The following BIN1 variants were observed in gnomAD, a reference collection of about 807,000 sequenced individuals.
BIN1 encodes bridging integrator 1.
Under a neutral mutation model 82.0 loss-of-function variants are expected in BIN1, and 53 were observed. That is an observed-to-expected ratio of 0.65 (90% CI 0.52 to 0.81). BIN1 has a LOEUF of 0.81. Among genes scored for constraint, BIN1 ranks in the 40% least tolerant of loss-of-function variants. BIN1 has a pLI of 0.00. For missense variants in BIN1, 642 were observed against 784.4 expected (o/e 0.82, Z 2.17); for synonymous variants, 302 against 328.0 (o/e 0.92, Z 0.86).
chr2:127,091,881 G>A (rs1386297335), intron 1 of BIN1, among the ~76,000 whole-genome samples: 2 of 152,106 alleles, frequency 1.3e-5, no homozygotes. Flanking sequence ...GGGTAACAGA[G>A]CAAGACCCTG....
chr2:127,063,547 CTCAGAGGG>C lies in BIN1; in HGVS notation c.774+16_774+23del, dbSNP rs749676210. 48 of 1,611,968 alleles carry C rather than the reference CTCAGAGGG, an allele frequency of 3.0e-5. No individual in the cohort carries two copies. In the South Asian group the frequency reaches 5.3e-4, roughly 18 times the overall value. The stretch of plus-strand genomic sequence containing the variant: ...CCTCGGCCAGGGTGGGGTGTGGCCC[CTCAGAGGG>C]GTCCCCATGGCCTACCTTGCTCATC... On this transcript the variant is annotated intron_variant, in intron 9 of 18. Transcript: ENST00000316724.
At chr2:127,105,776 T>A (rs1219330148) in intron 1 of BIN1, among the ~76,000 whole-genome samples, 2 of 152,102 alleles carry the variant, frequency 1.3e-5, no homozygotes, top group Non-Finnish European at 2.9e-5. Flanking sequence ...GGCCGGCCTG[T>A]CCCTGCGCCT....
At position 127,057,674 on chromosome 2, in the gene BIN1, GA is replaced by G; in HGVS notation, c.1003-74del. The G allele has an allele frequency of 2.1e-6, 3 of 1,437,028 alleles. No individual in the cohort carries two copies. The highest frequency in any genetic ancestry group is 2.8e-6 in the Non-Finnish European group (3 of 1,090,464). The allele number at this position is 1,437,028 out of a possible 1,614,324, so 89.0% of individuals were successfully genotyped here. ...GCACGGGGTTTGGGGGAGACAGACA[GA>G]GACAAAGCCACGGTTAGTCACACCT... On this transcript the variant is annotated intron_variant, in intron 11 of 18. Coordinates refer to ENST00000316724, the MANE Select transcript of BIN1 (RefSeq NM_139343.3). The surrounding 1 kb of genome is among the most constrained non-coding windows in gnomAD (Gnocchi z 5.0).
At chr2:127,065,318 A>G (rs905105769) in intron 7 of BIN1, among the ~76,000 whole-genome samples, 5 of 152,124 alleles carry the variant, frequency 3.3e-5, no homozygotes, top group Admixed American at 1.3e-4. Flanking sequence ...GGGGTGGGGA[A>G]GAATGTCTAT....
At chr2:127,054,074 C>G (rs974184681) in intron 12 of BIN1, 62 bp from the exon 13 acceptor site, 41 of 1,418,790 alleles carry the variant, frequency 2.9e-5, no homozygotes, top group East Asian at 2.5e-5. Context: ...AGCCCTCACC[C>G]CAGGCAGACA....
rs1197231684 is a variant in BIN1, at chr2:127,063,835, G to GCAGCACGCAGGCTGGGCACCA, written c.698+77_698+97dup. 12,785 of 1,501,596 alleles carry GCAGCACGCAGGCTGGGCACCA rather than the reference G, an allele frequency of 8.5e-3. 96 individuals are homozygous for GCAGCACGCAGGCTGGGCACCA. The highest frequency in any genetic ancestry group is 0.024 in the Admixed American group (1,422 of 59,078). 93.0% of individuals were successfully genotyped at this position (1,501,596 alleles called of 1,614,324 possible). A position where few individuals can be genotyped will look rare whatever the true frequency, so the allele number is the denominator to read the frequency against. On this transcript the variant is annotated intron_variant, in intron 8 of 18. Coordinates refer to ENST00000316724, the MANE Select transcript of BIN1 (RefSeq NM_139343.3). ...CACCGCAGCACGCAGACTGGACACC[G>GCAGCACGCAGGCTGGGCACCA]CAGCACGCAGGCTGGGCACCACAGC...
At chr2:127,065,997 G>T (rs867872088) in intron 7 of BIN1, among the ~76,000 whole-genome samples, 2 of 152,186 alleles carry the variant, frequency 1.3e-5, no homozygotes, top group Non-Finnish European at 2.9e-5. Context: ...TGGGCCCGGG[G>T]TCCCGAGGAC....
Position 127,107,073 on chromosome 2 carries a change from G to T in BIN1, c.-130C>A, listed in dbSNP as rs1024382172. The T allele has an allele frequency of 9.3e-6, 9 of 971,406 alleles. No individual in the cohort carries two copies. Among genetic ancestry groups the T allele is most frequent in the Non-Finnish European group, 1.1e-5 (8 of 727,588 alleles). 60.2% of individuals were successfully genotyped at this position (971,406 alleles called of 1,614,324 possible). A position where few individuals can be genotyped will look rare whatever the true frequency, so the allele number is the denominator to read the frequency against. ...CGCTCCACGCCGCGCACCCGACAGCGGAGCCAACTGACGGAGGCGGAGCGT... is the reference window on the plus strand; with the variant it reads ...CGCTCCACGCCGCGCACCCGACAGCTGAGCCAACTGACGGAGGCGGAGCGT... On this transcript the variant is annotated 5_prime_UTR_variant, in exon 1 of 19. Coordinates refer to ENST00000316724, the MANE Select transcript of BIN1 (RefSeq NM_139343.3). This position sits in a 1 kb window ranked among gnomAD's most constrained non-coding sequence, Gnocchi z 5.9.
rs945333804 is a variant in BIN1 at position 127,048,536 on chromosome 2, C to T, written c.1772G>A (p.Arg591Lys). ...RGVFPENFTE[R>K]VP Reference sequence around the variant, plus strand: ...GCCTGGGCCCCGCCGTCATGGGACCCTCTCAGTGAAGTTCTCGGGGAAGAC... The same window carrying T: ...GCCTGGGCCCCGCCGTCATGGGACCTTCTCAGTGAAGTTCTCGGGGAAGAC... The change falls in exon 19 of 19, where the codon AGG becomes AAG. Residue 591 changes from arginine to lysine, a missense_variant. Physicochemically the swap from Arg to Lys is conservative, Grantham distance 26. Coordinates refer to ENST00000316724, the MANE Select transcript of BIN1 (RefSeq NM_139343.3). 2 of 1,613,986 alleles carry T rather than the reference C, an allele frequency of 1.2e-6. No homozygotes were observed. The highest frequency in any genetic ancestry group is 1.7e-6 in the Non-Finnish European group (2 of 1,180,022).
At chr2:127,097,050 C>T (rs1679689493) in intron 1 of BIN1, among the ~76,000 whole-genome samples, 1 of 152,190 alleles carries the variant, frequency 6.6e-6, no homozygotes, top group Non-Finnish European at 1.5e-5. Context: ...GCATTATTCA[C>T]GTTACCGTGC....
intron 1 of BIN1, among the ~76,000 whole-genome samples, chr2:127,104,068 C>T (rs1167378090): frequency 6.6e-6 from 1 of 152,234 alleles, no homozygotes; most frequent in South Asian, 2.1e-4. Flanking sequence ...GACACATGCA[C>T]CCTGCCTGAG....
At chr2:127,084,348 G>GT (rs1197985683) in intron 1 of BIN1, among the ~76,000 whole-genome samples, 2 of 152,190 alleles carry the variant, frequency 1.3e-5, no homozygotes, top group African/African-American at 2.4e-5. Flanking sequence ...TGAGGATATC[G>GT]TGAGTCCTTC....
Position 127,048,386 on chromosome 2 carries a change from G to C in BIN1, c.*140C>G. 1.3e-6 allele frequency: 1 copy of C among 770,528 alleles called. No individual in the cohort carries two copies. Among genetic ancestry groups the C allele is most frequent in the Non-Finnish European group, 2.1e-6 (1 of 466,820 alleles). The allele number at this position is 770,528 out of a possible 1,614,324, so 47.7% of individuals were successfully genotyped here. A position where few individuals can be genotyped will look rare whatever the true frequency, so the allele number is the denominator to read the frequency against. ...AAAACGACCTAATCTTTGGGAGAACGCCCCTCTGCCTGGGGGTCTCCTCTT... is the reference window on the plus strand; with the variant it reads ...AAAACGACCTAATCTTTGGGAGAACCCCCCTCTGCCTGGGGGTCTCCTCTT... On this transcript the variant is annotated 3_prime_UTR_variant, in exon 19 of 19. Transcript: ENST00000316724.
intron 1 of BIN1, among the ~76,000 whole-genome samples, chr2:127,101,570 T>C (rs1213972936): frequency 6.6e-6 from 1 of 152,196 alleles, no homozygotes. Context: ...AGCAGGGGCT[T>C]GGTTCTGCTG....
chr2:127,076,816 C>T, intron 1 of BIN1, 110 bp from the exon 2 acceptor site: 1 of 1,259,486 alleles, frequency 7.9e-7, no homozygotes, highest in Non-Finnish European at 1.2e-6. Flanking sequence ...AGTCTCTAGC[C>T]AACATCACCC....
At chr2:127,106,810 G>A (rs1558899630) in intron 1 of BIN1, 50 bp downstream of exon 1, 3 of 1,553,156 alleles carry the variant, frequency 1.9e-6, no homozygotes, top group East Asian at 2.4e-5. Context: ...GGTGGCCGGG[G>A]CTCCGCGGCG....
rs1456820409 is a variant in BIN1, at chr2:127,067,624, G to T, written c.612+539C>A. ...AGTAACTCCTCCAGAGTCACCACGG[G>T]GACCACAAGTCCGAGGAAAATGACG... On this transcript the variant is annotated intron_variant, in intron 7 of 18. Transcript: ENST00000316724. This position sits in a 1 kb window ranked among gnomAD's most constrained non-coding sequence, Gnocchi z 4.7. Among the ~76,000 whole-genome samples the T allele has an allele frequency of 2.0e-5, 3 of 152,172 alleles. No individual in the cohort carries two copies. The highest frequency in any genetic ancestry group is 7.2e-5 in the African/African-American group (3 of 41,434).
chr2:127,105,141 G>A (rs111441947), intron 1 of BIN1, among the ~76,000 whole-genome samples: 3,364 of 152,256 alleles, frequency 0.022, 50 homozygotes, highest in Non-Finnish European at 0.033. Flanking sequence ...CTACTGCCCC[G>A]AGAATGACAT....
Position 127,052,275 on chromosome 2 carries a change from C to A in BIN1, c.1351G>T (p.Ala451Ser). Residue 451 changes from alanine to serine, a missense_variant, in exon 15 of 19, where the codon GCC (alanine) becomes TCC (serine). Transcript: ENST00000316724. The stretch of plus-strand genomic sequence containing the variant: ...CTTACTTGGGCAGGCCCCGGCTCGG[C>A]CGTCTGGCTGGGCCAGGACACAGCA... ...TFAVSWPSQT[A>S]EPGPAQPAEA... The A allele has an allele frequency of 1.3e-6, 2 of 1,578,386 alleles. No homozygotes were observed. Among genetic ancestry groups the A allele is most frequent in the Non-Finnish European group, 1.7e-6 (2 of 1,162,078 alleles).
Sources: allele counts gnomAD v4.1 joint callset (sites outside exome capture counted in the v4.1 genomes callset), GRCh38; gene constraint gnomAD v4.1.1; non-coding constraint Gnocchi (gnomAD v3.1); transcripts MANE v1.5; gene names NCBI Gene and HGNC (gene_info 2026-07-23, HGNC 2026-07-21).